SLC24A2: variants seen among roughly 807,000 people sequenced by gnomAD.
The protein encoded by SLC24A2 is solute carrier family 24 member 2.
In SLC24A2, 36 loss-of-function variants were observed where a neutral mutation model predicts 62.0. The ratio of observed to expected loss-of-function variants is 0.58; its 90% confidence interval spans 0.44 to 0.77. The LOEUF (loss-of-function observed/expected upper bound fraction) is 0.77, where lower values mean the gene tolerates loss of function less well. SLC24A2 is among the 30% of genes least tolerant of loss of function. SLC24A2 has a pLI of 0.00. For missense variants in SLC24A2, 846 were observed against 817.9 expected (o/e 1.03, Z -0.42); for synonymous variants, 358 against 294.0 (o/e 1.22, Z -2.23).
the SLC24A2 span, among the ~76,000 whole-genome samples, chr9:19,883,889 C>T: frequency 6.6e-6 from 1 of 152,064 alleles, no homozygotes; most frequent in Non-Finnish European, 1.5e-5. Context: ...CTAATATGTA[C>T]CATATATAGA....
the SLC24A2 span, among the ~76,000 whole-genome samples, chr9:20,054,886 T>C: frequency 5.9e-5 from 9 of 152,238 alleles, no homozygotes; most frequent in African/African-American, 2.2e-4. Context: ...ACCTTCATAA[T>C]TGCATTAACT....
chr9:19,877,203 G>A, the SLC24A2 span, among the ~76,000 whole-genome samples: 12 of 151,120 alleles, frequency 7.9e-5, no homozygotes, highest in African/African-American at 2.7e-4. Context: ...TTCCAAAAGG[G>A]AGGGAAATCA....
chr9:19,646,900 T>C (rs574516123), intron 2 of SLC24A2, among the ~76,000 whole-genome samples: 4 of 152,258 alleles, frequency 2.6e-5, no homozygotes, highest in Admixed American at 2.6e-4. Flanking sequence ...ATCAATTCTT[T>C]AGTTACATTA....
chr9:20,108,952 C>G, the SLC24A2 span, among the ~76,000 whole-genome samples: 1 of 152,282 alleles, frequency 6.6e-6, no homozygotes. Context: ...CATATACTGA[C>G]AGTAGTCACA....
chr9:20,007,920 G>A, the SLC24A2 span, among the ~76,000 whole-genome samples: 2 of 64,846 alleles, frequency 3.1e-5, no homozygotes, highest in African/African-American at 1.4e-4. Context: ...TTTTTTGACA[G>A]AGCCTCACTC....
chr9:19,786,799 CCAGA>C lies in SLC24A2; in HGVS notation c.64_67del (p.Ser22AlafsTer12). 1 of 1,610,124 alleles carries C rather than the reference CCAGA, an allele frequency of 6.2e-7. No homozygotes were observed. ...CTTGACACTATAATGTCTTCTGCAG[CCAGA>C]CAGTGACTCATCCAAACACCATTTC... On this transcript the variant is annotated frameshift_variant, in exon 2 of 11. Coordinates refer to ENST00000341998, the MANE Select transcript of SLC24A2 (RefSeq NM_020344.4). LOFTEE classifies it high-confidence loss of function. This position sits in a 1 kb window ranked among gnomAD's most constrained non-coding sequence, Gnocchi z 5.0.
At chr9:19,594,533 G>A (rs1836650242) in intron 5 of SLC24A2, among the ~76,000 whole-genome samples, 1 of 152,100 alleles carries the variant, frequency 6.6e-6, no homozygotes, top group Non-Finnish European at 1.5e-5. Flanking sequence ...TTCATTGCAA[G>A]TCATGACCTC....
At chr9:20,199,826 C>A in the SLC24A2 span, among the ~76,000 whole-genome samples, 2 of 150,922 alleles carry the variant, frequency 1.3e-5, no homozygotes, top group African/African-American at 2.4e-5. Context: ...TCAAGTGATT[C>A]ACGTGCCTCA....
chr9:19,610,121 G>T (rs1004530777), intron 4 of SLC24A2, among the ~76,000 whole-genome samples: 1 of 152,142 alleles, frequency 6.6e-6, no homozygotes, highest in Non-Finnish European at 1.5e-5. Context: ...GTTTCTTAAG[G>T]TGTCTAGTGC....
At chr9:20,082,222 G>C in the SLC24A2 span, among the ~76,000 whole-genome samples, 1 of 152,292 alleles carries the variant, frequency 6.6e-6, no homozygotes, top group Non-Finnish European at 1.5e-5. Flanking sequence ...CTCAACCAGA[G>C]TGCTTGTCTG....
the SLC24A2 span, among the ~76,000 whole-genome samples, chr9:20,303,881 A>G: frequency 1.3e-5 from 2 of 152,182 alleles, no homozygotes; most frequent in African/African-American, 4.8e-5. Flanking sequence ...GGGGGCTCTC[A>G]GCTCAGTGGG....
At chr9:19,964,120 CAA>C in the SLC24A2 span, among the ~76,000 whole-genome samples, 1 of 147,642 alleles carries the variant, frequency 6.8e-6, no homozygotes, top group South Asian at 2.1e-4. Flanking sequence ...ATCGCAAGGA[CAA>C]AAAACCAAAC....
chr9:19,740,798 C>T (rs572205684), intron 2 of SLC24A2, among the ~76,000 whole-genome samples: 217 of 151,164 alleles, frequency 1.4e-3, no homozygotes, highest in African/African-American at 4.7e-3. Flanking sequence ...TGCTGGGTTA[C>T]GGATACCTGG....
At chr9:20,276,335 C>T in the SLC24A2 span, among the ~76,000 whole-genome samples, 2 of 152,192 alleles carry the variant, frequency 1.3e-5, no homozygotes, top group African/African-American at 4.8e-5. Flanking sequence ...GTCCAAAATC[C>T]AGCTGGGCAG....
At chr9:19,867,319 T>C in the SLC24A2 span, among the ~76,000 whole-genome samples, 76 of 152,220 alleles carry the variant, frequency 5.0e-4, no homozygotes, top group Admixed American at 5.0e-3. Context: ...TGGGATTTAC[T>C]TTGTGGGAAC....
At chr9:19,757,810 T>C (rs186038818) in intron 2 of SLC24A2, among the ~76,000 whole-genome samples, 27 of 152,270 alleles carry the variant, frequency 1.8e-4, no homozygotes, top group African/African-American at 5.8e-4. Flanking sequence ...CCCTTATGAA[T>C]GGCTTAGTAC....
At chr9:19,713,194 T>C (rs991910515) in intron 2 of SLC24A2, among the ~76,000 whole-genome samples, 4 of 152,118 alleles carry the variant, frequency 2.6e-5, no homozygotes, top group Non-Finnish European at 5.9e-5. Context: ...ATCTAGTTGA[T>C]TGGTAGATGC....
At chr9:19,701,763 G>C (rs1365650332) in intron 2 of SLC24A2, among the ~76,000 whole-genome samples, 1 of 152,132 alleles carries the variant, frequency 6.6e-6, no homozygotes, top group Non-Finnish European at 1.5e-5. Context: ...AGGAGAATGT[G>C]CTGGTGAAAA....
the SLC24A2 span, among the ~76,000 whole-genome samples, chr9:19,985,736 T>C: frequency 3.3e-5 from 5 of 152,124 alleles, no homozygotes; most frequent in Admixed American, 2.6e-4. Context: ...ATATGAAGTA[T>C]ACTTTCATAA....
Sources: allele counts gnomAD v4.1 joint callset (sites outside exome capture counted in the v4.1 genomes callset), GRCh38; gene constraint gnomAD v4.1.1; non-coding constraint Gnocchi (gnomAD v3.1); transcripts MANE v1.5; gene names NCBI Gene and HGNC (gene_info 2026-07-23, HGNC 2026-07-21).